Variants in AUTS2 observed in about 807,000 individuals in gnomAD.
The protein encoded by AUTS2 is autism susceptibility gene 2 protein.
A neutral mutation model predicts 112.4 loss-of-function variants in AUTS2; 17 were observed. The observed-to-expected ratio is 0.15, with a 90% CI of 0.10 to 0.23. The LOEUF (loss-of-function observed/expected upper bound fraction) is 0.23, where lower values mean the gene tolerates loss of function less well. AUTS2 is among the 10% of genes least tolerant of loss of function. The pLI, the probability that AUTS2 is intolerant of heterozygous loss-of-function variation, is 1.00. For missense variants in AUTS2, 1,510 were observed against 1,701.6 expected, an observed-to-expected ratio of 0.89 and a Z score of 1.98; for synonymous variants, 751 against 702.7, an observed-to-expected ratio of 1.07 and a Z score of -1.09.
chr7:70,181,717 G>C (rs1401969468), intron 4 of AUTS2, among the ~76,000 whole-genome samples: 1 of 151,218 alleles, frequency 6.6e-6, no homozygotes, highest in Non-Finnish European at 1.5e-5. Context: ...TGGAACTCCT[G>C]ACCTCAGGTG....
chr7:69,910,389 G>T (rs1795304643), intron 2 of AUTS2, among the ~76,000 whole-genome samples: 1 of 152,196 alleles, frequency 6.6e-6, no homozygotes, highest in Non-Finnish European at 1.5e-5. Context: ...GGCGAGCCAG[G>T]CGTAGAGTGG....
chr7:69,884,129 T>G (rs1430060596), intron 1 of AUTS2, among the ~76,000 whole-genome samples: 4 of 152,194 alleles, frequency 2.6e-5, no homozygotes, highest in African/African-American at 9.7e-5. Context: ...TGGGCACAGT[T>G]TCTAAGGTAG....
chr7:70,656,351 T>G (rs73704588), intron 5 of AUTS2, among the ~76,000 whole-genome samples: 1,675 of 152,220 alleles, frequency 0.011, 33 homozygotes, highest in African/African-American at 0.038. Flanking sequence ...AGTCTTAATT[T>G]CATGGAATAG....
At chr7:70,637,207 A>C (rs1805576478) in intron 5 of AUTS2, among the ~76,000 whole-genome samples, 1 of 152,192 alleles carries the variant, frequency 6.6e-6, no homozygotes, top group Non-Finnish European at 1.5e-5. Flanking sequence ...GCTTTTTAAA[A>C]GTTCTCATCC....
intron 4 of AUTS2, among the ~76,000 whole-genome samples, chr7:70,215,025 C>T (rs1811101054): frequency 2.0e-5 from 3 of 152,198 alleles, no homozygotes; most frequent in Admixed American, 2.0e-4. Flanking sequence ...TGGCTCACGC[C>T]AGTAATGCCA....
intron 2 of AUTS2, among the ~76,000 whole-genome samples, chr7:70,091,859 G>C (rs1386489584): frequency 6.6e-6 from 1 of 152,184 alleles, no homozygotes; most frequent in Non-Finnish European, 1.5e-5. Context: ...TTAGTGCTAA[G>C]ATGATAGGTG....
intron 2 of AUTS2, among the ~76,000 whole-genome samples, chr7:70,110,786 G>A (rs1162712957): frequency 2.0e-5 from 3 of 150,132 alleles, no homozygotes; most frequent in African/African-American, 7.3e-5. Flanking sequence ...TTGCATTAAT[G>A]AAACTTGTCT....
At chr7:70,316,399 A>ATT (rs398005114) in intron 4 of AUTS2, among the ~76,000 whole-genome samples, 363 of 92,646 alleles carry the variant, frequency 3.9e-3, no homozygotes, top group Middle Eastern at 7.5e-3. Context: ...CCAGGTCTCT[A>ATT]TTTTTTTTTT....
At chr7:70,432,956 G>C (rs1795736923) in intron 4 of AUTS2, among the ~76,000 whole-genome samples, 1 of 152,214 alleles carries the variant, frequency 6.6e-6, no homozygotes, top group South Asian at 2.1e-4. Flanking sequence ...TCGAGGAGCT[G>C]TCACTCACCC....
chr7:69,766,150 A>C (rs757469990), intron 1 of AUTS2, among the ~76,000 whole-genome samples: 2 of 152,170 alleles, frequency 1.3e-5, no homozygotes, highest in South Asian at 4.1e-4. Flanking sequence ...TCTGGTTTTT[A>C]TCTCTATGAA....
At chr7:69,975,545 TTTTG>T (rs747489571) in intron 2 of AUTS2, among the ~76,000 whole-genome samples, 115 of 152,224 alleles carry the variant, frequency 7.6e-4, no homozygotes, top group Middle Eastern at 3.4e-3. Flanking sequence ...TTTGTTGTTG[TTTTG>T]TTTGTTTGTT....
At chr7:70,117,117 G>GTTT (rs60488343) in intron 2 of AUTS2, among the ~76,000 whole-genome samples, 18 of 73,056 alleles carry the variant, frequency 2.5e-4, no homozygotes, top group African/African-American at 2.9e-4. Flanking sequence ...TTTTTTTTTT[G>GTTT]TTTTTTTTTG....
intron 6 of AUTS2, among the ~76,000 whole-genome samples, chr7:70,713,317 C>T (rs1272423847): frequency 6.6e-6 from 1 of 152,192 alleles, no homozygotes; most frequent in Non-Finnish European, 1.5e-5. Flanking sequence ...TGTGTTAATT[C>T]TGTTTTAAAC....
At chr7:70,381,340 A>T (rs995239163) in intron 4 of AUTS2, among the ~76,000 whole-genome samples, 1 of 152,204 alleles carries the variant, frequency 6.6e-6, no homozygotes, top group Non-Finnish European at 1.5e-5. Context: ...AACACAGTAC[A>T]TACATTTGTC....
At chr7:70,711,842 G>A (rs557178341) in intron 6 of AUTS2, among the ~76,000 whole-genome samples, 6 of 152,254 alleles carry the variant, frequency 3.9e-5, no homozygotes, top group South Asian at 4.2e-4. Context: ...CCCAAGTACC[G>A]GTGACCCTGG....
At chr7:69,910,332 G>A (rs1176305473) in intron 2 of AUTS2, among the ~76,000 whole-genome samples, 1 of 152,206 alleles carries the variant, frequency 6.6e-6, no homozygotes, top group Non-Finnish European at 1.5e-5. Context: ...TGGCCCAGCA[G>A]GCTGCACTTG....
intron 1 of AUTS2, among the ~76,000 whole-genome samples, chr7:69,603,850 AGT>A: frequency 6.6e-6 from 1 of 152,186 alleles, no homozygotes; most frequent in Non-Finnish European, 1.5e-5. Flanking sequence ...TACTACCATC[AGT>A]GTGTCCTGAT....
rs538254349 is a variant in AUTS2 at position 69,831,112 on chromosome 7, G to C, written c.310-68174G>C. ...AATTTATATACTTTAATTCCCACCT[G>C]ATCCCCACTCCCCAAGAAGGTTGGA... On this transcript the variant is annotated intron_variant, in intron 1 of 18. Transcript: ENST00000342771. Among the ~76,000 whole-genome samples, 4 of 152,224 alleles carry C rather than the reference G, an allele frequency of 2.6e-5. No individual in the cohort carries two copies. In the South Asian group the frequency reaches 8.3e-4, roughly 32 times the overall value.
chr7:69,744,911 T>A (rs1384705761), intron 1 of AUTS2, among the ~76,000 whole-genome samples: 1 of 152,166 alleles, frequency 6.6e-6, no homozygotes, highest in Non-Finnish European at 1.5e-5. Context: ...CCTTAGAAAG[T>A]TCAGTCACTT....
Sources: allele counts gnomAD v4.1 joint callset (sites outside exome capture counted in the v4.1 genomes callset), GRCh38; gene constraint gnomAD v4.1.1; transcripts MANE v1.5; gene names NCBI Gene and HGNC (gene_info 2026-07-23, HGNC 2026-07-21).